The following ZNF385D variants were observed in gnomAD, a reference collection of about 807,000 sequenced individuals.
ZNF385D encodes the protein zinc finger protein 659.
Under a neutral mutation model 35.8 loss-of-function variants are expected in ZNF385D, and 15 were observed. The observed-to-expected ratio is 0.42, with a 90% confidence interval of 0.28 to 0.64. ZNF385D has a LOEUF of 0.64. ZNF385D is among the 30% of genes least tolerant of loss of function. ZNF385D has a pLI of 0.23. For missense variants in ZNF385D, 474 were observed against 494.6 expected, an observed-to-expected ratio of 0.96 and a Z score of 0.39; for synonymous variants, 212 against 186.8, an observed-to-expected ratio of 1.13 and a Z score of -1.10.
chr3:21,561,129 C>G (rs1241855157), intron 3 of ZNF385D, among the ~76,000 whole-genome samples: 1 of 152,184 alleles, frequency 6.6e-6, no homozygotes, highest in Middle Eastern at 3.2e-3. Context: ...TCTCTGACTT[C>G]AGCCCCTTTC....
chr3:22,109,928 C>T (rs1702422576), intron 3 of ZNF385D, among the ~76,000 whole-genome samples: 1 of 152,078 alleles, frequency 6.6e-6, no homozygotes, highest in Non-Finnish European at 1.5e-5. Flanking sequence ...CTACAATGAA[C>T]TCAAACAAAT....
At chr3:22,156,926 A>C (rs950350475) in intron 3 of ZNF385D, among the ~76,000 whole-genome samples, 4 of 152,126 alleles carry the variant, frequency 2.6e-5, no homozygotes, top group African/African-American at 9.7e-5. Context: ...CTCAAAGATA[A>C]TCTATCATTT....
At chr3:21,627,340 GAA>G (rs1285742574) in intron 2 of ZNF385D, among the ~76,000 whole-genome samples, 1 of 151,240 alleles carries the variant, frequency 6.6e-6, no homozygotes, top group African/African-American at 2.4e-5. Context: ...CAACTAATGA[GAA>G]AGCTCAGCCC....
intron 2 of ZNF385D, among the ~76,000 whole-genome samples, chr3:22,305,019 A>G (rs1259540220): frequency 6.6e-6 from 1 of 151,936 alleles, no homozygotes; most frequent in Non-Finnish European, 1.5e-5. Context: ...AAAAATTTCC[A>G]TTTCACTTTT....
chr3:22,170,746 C>A (rs2125760868), intron 2 of ZNF385D, among the ~76,000 whole-genome samples: 1 of 152,078 alleles, frequency 6.6e-6, no homozygotes, highest in African/African-American at 2.4e-5. Flanking sequence ...AGTATCTATC[C>A]AGGTTATAAT....
chr3:22,359,331 G>A (rs1462127246), intron 2 of ZNF385D, among the ~76,000 whole-genome samples: 1 of 151,720 alleles, frequency 6.6e-6, no homozygotes, highest in Non-Finnish European at 1.5e-5. Context: ...CCTAAAAAAT[G>A]AGCAGGTGTC....
intron 3 of ZNF385D, chr3:21,849,613 T>TC (rs1291447093): frequency 3.6e-5 from 5 of 138,150 alleles, no homozygotes; most frequent in Admixed American, 3.0e-4. Context: ...TTCTTTTTTT[T>TC]TTTTTTTTTT....
chr3:21,595,612 G>T (rs1208893064), intron 2 of ZNF385D, among the ~76,000 whole-genome samples: 1 of 151,954 alleles, frequency 6.6e-6, no homozygotes, highest in African/African-American at 2.4e-5. Context: ...GGAATGGATT[G>T]ATACTTAGTT....
At chr3:21,516,688 C>T (rs933407789) in intron 3 of ZNF385D, among the ~76,000 whole-genome samples, 3 of 152,138 alleles carry the variant, frequency 2.0e-5, no homozygotes, top group African/African-American at 7.2e-5. Context: ...TGAGTCTACT[C>T]TTGGGGTTTA....
chr3:21,666,164 A>G (rs1430684654), intron 1 of ZNF385D, among the ~76,000 whole-genome samples: 1 of 152,220 alleles, frequency 6.6e-6, no homozygotes, highest in Non-Finnish European at 1.5e-5. Context: ...TCTCTGGCCA[A>G]CTGCACACAG....
chr3:22,145,823 G>A (rs1281072337), intron 3 of ZNF385D, among the ~76,000 whole-genome samples: 7 of 152,196 alleles, frequency 4.6e-5, no homozygotes, highest in Admixed American at 4.6e-4. Flanking sequence ...AGAGCTCTGT[G>A]TCTTAGCCAC....
intron 2 of ZNF385D, among the ~76,000 whole-genome samples, chr3:22,229,311 G>C (rs1698744799): frequency 1.3e-5 from 2 of 152,132 alleles, no homozygotes; most frequent in Admixed American, 1.3e-4. Flanking sequence ...TCCTCCACTG[G>C]ATTAACTCTG....
At chr3:21,972,295 A>G (rs1703306550) in intron 3 of ZNF385D, among the ~76,000 whole-genome samples, 1 of 152,106 alleles carries the variant, frequency 6.6e-6, no homozygotes, top group East Asian at 1.9e-4. Context: ...TGGAAAGTAA[A>G]CAAATACATG....
intron 2 of ZNF385D, among the ~76,000 whole-genome samples, chr3:22,356,026 G>T (rs1696132538): frequency 6.6e-6 from 1 of 151,934 alleles, no homozygotes; most frequent in African/African-American, 2.4e-5. Flanking sequence ...CAAAGATCCA[G>T]CATGTAAAAA....
chr3:21,613,367 T>A (rs1181132235), intron 2 of ZNF385D, among the ~76,000 whole-genome samples: 1 of 152,142 alleles, frequency 6.6e-6, no homozygotes, highest in Middle Eastern at 3.4e-3. Context: ...CTTAACTGAT[T>A]ATGTTTTTAT....
At chr3:22,269,918 G>A (rs1206652342) in intron 2 of ZNF385D, among the ~76,000 whole-genome samples, 1 of 151,678 alleles carries the variant, frequency 6.6e-6, no homozygotes, top group African/African-American at 2.4e-5. Flanking sequence ...ATTTTATCCT[G>A]TGCTGATAGC....
chr3:21,478,550 A>C (rs1047001374), intron 4 of ZNF385D, among the ~76,000 whole-genome samples: 2 of 152,216 alleles, frequency 1.3e-5, no homozygotes, highest in African/African-American at 2.4e-5. Flanking sequence ...AACCTTTGTT[A>C]CTGTAAGCCA....
At chr3:21,512,539 C>T (rs1707292337) in intron 3 of ZNF385D, among the ~76,000 whole-genome samples, 1 of 152,156 alleles carries the variant, frequency 6.6e-6, no homozygotes, top group African/African-American at 2.4e-5. Flanking sequence ...AAGATATCCT[C>T]AAAGGACTAG....
chr3:22,190,036 T>C lies in ZNF385D; in HGVS notation c.107-21001A>G, dbSNP rs148224014. On this transcript the variant is annotated intron_variant, in intron 2 of 5. Transcript: ENST00000494108. ...TTGTATTGTTTGGAAAAATGAACAC[T>C]TACCAATTAAATTCAACAATAAAAA... Among the ~76,000 whole-genome samples the C allele has an allele frequency of 6.6e-3, 1,000 of 152,244 alleles. 9 individuals are homozygous for C. Among genetic ancestry groups the C allele is most frequent in the African/African-American group, 0.023 (939 of 41,550 alleles).
Sources: allele counts gnomAD v4.1 joint callset (sites outside exome capture counted in the v4.1 genomes callset), GRCh38; gene constraint gnomAD v4.1.1; transcripts MANE v1.5; gene names NCBI Gene and HGNC (gene_info 2026-07-23, HGNC 2026-07-21).